XRN1: variants seen among roughly 807,000 people sequenced by gnomAD.
The protein encoded by XRN1 is strand-exchange protein 1 homolog.
Under a neutral mutation model 222.3 loss-of-function variants are expected in XRN1, and 67 were observed. The ratio of observed to expected loss-of-function variants is 0.30; its 90% CI spans 0.25 to 0.37. XRN1 has a LOEUF of 0.37. XRN1 is among the 10% of genes least tolerant of loss of function. The probability of loss-of-function intolerance (pLI) is 1.00; values close to 1 mark genes in which losing one functional copy is unlikely to be tolerated. For missense variants in XRN1, 1,707 were observed against 2,000.2 expected (o/e 0.85, Z 2.80); for synonymous variants, 643 against 652.4 (o/e 0.99, Z 0.22).
chr3:142,383,161 C>T, intron 22 of XRN1, 139 bp downstream of exon 22: 1 of 703,760 alleles, frequency 1.4e-6, no homozygotes, highest in African/African-American at 1.8e-5. Context: ...AAGTCAAACA[C>T]TGTGTTCATA....
At chr3:142,368,149 C>T (rs1323541210) in intron 27 of XRN1, among the ~76,000 whole-genome samples, 1 of 150,920 alleles carries the variant, frequency 6.6e-6, no homozygotes, top group Non-Finnish European at 1.5e-5. Flanking sequence ...ATAAATTTAA[C>T]ACATATATAT....
intron 37 of XRN1, among the ~76,000 whole-genome samples, chr3:142,321,961 T>C (rs1050834066): frequency 6.6e-6 from 1 of 152,222 alleles, no homozygotes; most frequent in Non-Finnish European, 1.5e-5. Context: ...TATTTATTTA[T>C]TTTTCTTACT....
intron 34 of XRN1, among the ~76,000 whole-genome samples, chr3:142,334,713 A>G (rs547645906): frequency 6.6e-5 from 10 of 151,548 alleles, no homozygotes; most frequent in African/African-American, 2.4e-4. Flanking sequence ...GTCTATGTGT[A>G]TATATATAAG....
chr3:142,370,749 T>C, intron 26 of XRN1, 129 bp from the exon 27 acceptor site: 1 of 698,068 alleles, frequency 1.4e-6, no homozygotes, highest in Non-Finnish European at 2.2e-6. Context: ...CTAAATCTAA[T>C]ATAAATATGG....
chr3:142,405,570 T>C (rs2108037595), intron 15 of XRN1, among the ~76,000 whole-genome samples: 1 of 152,268 alleles, frequency 6.6e-6, no homozygotes, highest in Middle Eastern at 3.4e-3. Context: ...AATAAATGTA[T>C]GGACAGTAAA....
Position 142,447,996 on chromosome 3 carries a change from C to G in XRN1, c.-52G>C. ...AGGGCCAAACCGAAACCAAACGCCCCGCCGGGGCTCCGCCGCAGCCTCCGG... is the reference window on the plus strand; with the variant it reads ...AGGGCCAAACCGAAACCAAACGCCCGGCCGGGGCTCCGCCGCAGCCTCCGG... On this transcript the variant is annotated 5_prime_UTR_variant, in exon 1 of 41. Transcript: ENST00000392981. The surrounding 1 kb of genome is among the most constrained non-coding windows in gnomAD (Gnocchi z 4.2). 1 of 1,589,020 alleles carries G rather than the reference C, an allele frequency of 6.3e-7. No individual in the cohort carries two copies. Among genetic ancestry groups the G allele is most frequent in the Middle Eastern group, 1.8e-4 (1 of 5,418 alleles).
At chr3:142,376,058 CTCAG>C in intron 24 of XRN1, 114 bp from the exon 25 acceptor site, 1 of 1,383,768 alleles carries the variant, frequency 7.2e-7, no homozygotes, top group Non-Finnish European at 9.3e-7. Context: ...CTTAGAAAAG[CTCAG>C]TTTTGATTAT....
At chr3:142,415,916 G>T (rs1285585930) in intron 13 of XRN1, among the ~76,000 whole-genome samples, 1 of 152,030 alleles carries the variant, frequency 6.6e-6, no homozygotes, top group Admixed American at 6.6e-5. Flanking sequence ...GATGGGATTT[G>T]CTAGAATAGG....
chr3:142,401,553 A>C (rs928369252), intron 18 of XRN1, among the ~76,000 whole-genome samples: 20 of 152,058 alleles, frequency 1.3e-4, no homozygotes, highest in African/African-American at 4.3e-4. Flanking sequence ...TCTCTACTAA[A>C]AATACAAAAA....
intron 31 of XRN1, among the ~76,000 whole-genome samples, chr3:142,356,598 A>G (rs921963044): frequency 8.5e-5 from 13 of 152,214 alleles, no homozygotes; most frequent in African/African-American, 2.7e-4. Flanking sequence ...AGCATAGGAC[A>G]TTTGGATTAT....
chr3:142,328,703 TTATATATATATATATATA>T (rs67278209), intron 37 of XRN1, among the ~76,000 whole-genome samples: 119 of 47,166 alleles, frequency 2.5e-3, no homozygotes, highest in Non-Finnish European at 4.2e-3. Context: ...ACTTGTAATA[TTATATATATATATATATA>T]TATATATATA....
intron 25 of XRN1, among the ~76,000 whole-genome samples, chr3:142,371,608 T>C (rs1274854581): frequency 6.6e-6 from 1 of 152,160 alleles, no homozygotes; most frequent in Non-Finnish European, 1.5e-5. Context: ...TGACAGCTGA[T>C]AGACAAAAAT....
rs1296121125 is a variant in XRN1 at position 142,308,399 on chromosome 3, T to G, written c.*3112A>C. 6.6e-6 allele frequency: 1 copy of G among 152,174 alleles called. No individual in the cohort carries two copies. Among genetic ancestry groups the G allele is most frequent in the African/African-American group, 2.4e-5 (1 of 41,442 alleles). 9.4% of individuals were successfully genotyped at this position (152,174 alleles called of 1,614,324 possible). ...CATAGAAAGAAACAATAAAAAAACT[T>G]GCATCAATAGTTCTTCATTCCTCCA... On this transcript the variant is annotated 3_prime_UTR_variant, in exon 41 of 41. Coordinates refer to ENST00000392981, the MANE Select transcript of XRN1 (RefSeq NM_001282857.2).
chr3:142,365,346 C>A lies in XRN1; in HGVS notation c.3225G>T (p.Lys1075Asn). Reference sequence around the variant, plus strand: ...AATGGGGTTTCACTGTTACTCGCACCTTCTTATTATTCTTTCTTTGCTGAG... The same window carrying A: ...AATGGGGTTTCACTGTTACTCGCACATTCTTATTATTCTTTCTTTGCTGAG... ...EKCKQRKNNK[K>N]VRVTVKPHLL... The change falls in exon 28 of 41, where the codon AAG (lysine) becomes AAT (asparagine). Residue 1075 changes from lysine to asparagine, a missense_variant. By Grantham distance (94) the Lys-to-Asn change is moderately conservative. Coordinates refer to ENST00000392981, the MANE Select transcript of XRN1 (RefSeq NM_001282857.2). 1 of 1,571,890 alleles carries A rather than the reference C, an allele frequency of 6.4e-7. No homozygotes were observed. The highest frequency in any genetic ancestry group is 8.6e-7 in the Non-Finnish European group (1 of 1,158,622).
chr3:142,419,337 A>G (rs2068911402), intron 10 of XRN1, among the ~76,000 whole-genome samples: 4 of 151,888 alleles, frequency 2.6e-5, no homozygotes, highest in Non-Finnish European at 5.9e-5. Context: ...AAAAAAAGAC[A>G]CACACACACA....
At chr3:142,383,709 G>A (rs1202780212) in intron 21 of XRN1, among the ~76,000 whole-genome samples, 1 of 152,108 alleles carries the variant, frequency 6.6e-6, no homozygotes, top group Non-Finnish European at 1.5e-5. Context: ...TCTTGTCCAA[G>A]GTCATGCAGC....
chr3:142,371,412 A>G (rs779572335), intron 25 of XRN1, 84 bp from the exon 26 acceptor site: 3 of 988,848 alleles, frequency 3.0e-6, no homozygotes, highest in Non-Finnish European at 4.5e-6. Flanking sequence ...TCAGATCCTA[A>G]AGAAACATAT....
At chr3:142,376,137 G>T in intron 24 of XRN1, 193 bp from the exon 25 acceptor site, 1 of 1,018,058 alleles carries the variant, frequency 9.8e-7, no homozygotes, top group Non-Finnish European at 1.3e-6. Flanking sequence ...TAGAAGAAAA[G>T]CTTCAAAACC....
At chr3:142,435,626 G>T (rs749614053) in intron 1 of XRN1, among the ~76,000 whole-genome samples, 8 of 151,396 alleles carry the variant, frequency 5.3e-5, no homozygotes, top group African/African-American at 1.9e-4. Flanking sequence ...GGGTGGTGGC[G>T]CATGCCTGTA....
Sources: allele counts gnomAD v4.1 joint callset (sites outside exome capture counted in the v4.1 genomes callset), GRCh38; gene constraint gnomAD v4.1.1; non-coding constraint Gnocchi (gnomAD v3.1); transcripts MANE v1.5; gene names NCBI Gene and HGNC (gene_info 2026-07-23, HGNC 2026-07-21).